The following PIP5K1B variants were observed in gnomAD, a reference collection of about 807,000 sequenced individuals.
The protein encoded by PIP5K1B is phosphatidylinositol 4-phosphate 5-kinase type-1 beta.
In PIP5K1B, 42 loss-of-function variants were observed where a neutral mutation model predicts 67.0. The ratio of observed to expected loss-of-function variants is 0.63; its 90% CI spans 0.49 to 0.81. PIP5K1B has a LOEUF of 0.81. Ranked by LOEUF, PIP5K1B falls within the 30% of genes least tolerant of loss-of-function variation. The pLI, the probability that PIP5K1B is intolerant of heterozygous loss-of-function variation, is 0.00. For missense variants in PIP5K1B, 459 were observed against 646.3 expected, an observed-to-expected ratio of 0.71 and a Z score of 3.14; for synonymous variants, 214 against 231.4, an observed-to-expected ratio of 0.92 and a Z score of 0.68.
At chr9:68,854,146 T>C (rs935945394) in intron 4 of PIP5K1B, among the ~76,000 whole-genome samples, 2 of 150,538 alleles carry the variant, frequency 1.3e-5, no homozygotes, top group African/African-American at 4.9e-5. Context: ...TTTTTTTTTT[T>C]TTGAGACAGG....
intron 14 of PIP5K1B, among the ~76,000 whole-genome samples, chr9:68,949,476 A>G (rs1346267567): frequency 6.6e-6 from 1 of 152,250 alleles, no homozygotes; most frequent in African/African-American, 2.4e-5. Context: ...TTCAGCTGAG[A>G]CACAGCTGGA....
At chr9:68,856,930 G>A (rs1338682555) in intron 4 of PIP5K1B, among the ~76,000 whole-genome samples, 1 of 152,260 alleles carries the variant, frequency 6.6e-6, no homozygotes, top group South Asian at 2.1e-4. Context: ...CTTGGCAGGT[G>A]TGATTAAGTT....
intron 4 of PIP5K1B, among the ~76,000 whole-genome samples, chr9:68,850,335 C>T (rs1822417163): frequency 6.6e-6 from 1 of 152,194 alleles, no homozygotes; most frequent in Non-Finnish European, 1.5e-5. Flanking sequence ...AAATCCATTA[C>T]TATATCACAA....
intron 15 of PIP5K1B, among the ~76,000 whole-genome samples, chr9:68,996,445 AT>A (rs143395804): frequency 0.012 from 1,758 of 152,292 alleles, 31 homozygotes; most frequent in African/African-American, 0.039. Flanking sequence ...TTCTAAGATG[AT>A]TTTTATCCAG....
intron 1 of PIP5K1B, among the ~76,000 whole-genome samples, chr9:68,735,789 A>T (rs1289617986): frequency 1.3e-5 from 2 of 152,202 alleles, no homozygotes; most frequent in East Asian, 3.8e-4. Context: ...TGGGACTGTT[A>T]CTTATATACA....
Position 69,000,624 on chromosome 9 carries a change from G to T in PIP5K1B, c.1621-7823G>T, listed in dbSNP as rs191229798. On this transcript the variant is annotated intron_variant, in intron 15 of 15. Coordinates refer to ENST00000265382, the MANE Select transcript of PIP5K1B (RefSeq NM_003558.4). The stretch of plus-strand genomic sequence containing the variant: ...TGTCTTCACATCACATCTTCCCCCT[G>T]TACGTGTCTGTATCCAAAATTCCCC... 2.2e-3 allele frequency among the ~76,000 whole-genome samples: 341 copies of T among 152,170 alleles called. 1 individual carries two copies. The highest frequency in any genetic ancestry group is 6.4e-3 in the Admixed American group (98 of 15,272).
At chr9:68,932,524 A>T (rs1827053748) in intron 12 of PIP5K1B, among the ~76,000 whole-genome samples, 1 of 152,240 alleles carries the variant, frequency 6.6e-6, no homozygotes. Context: ...CAAATAATTT[A>T]GTGAGAAAAG....
intron 14 of PIP5K1B, among the ~76,000 whole-genome samples, chr9:68,947,598 G>C (rs897503074): frequency 2.0e-5 from 3 of 152,220 alleles, no homozygotes; most frequent in African/African-American, 7.2e-5. Flanking sequence ...TTAAAAGAGA[G>C]AGAGAGGAAA....
At chr9:68,745,139 G>C (rs1439562356) in intron 2 of PIP5K1B, among the ~76,000 whole-genome samples, 1 of 152,192 alleles carries the variant, frequency 6.6e-6, no homozygotes, top group Non-Finnish European at 1.5e-5. Context: ...AGGTCACAGT[G>C]CCTTCCACAT....
intron 15 of PIP5K1B, among the ~76,000 whole-genome samples, chr9:69,005,763 C>G (rs370121386): frequency 2.1e-5 from 3 of 145,402 alleles, no homozygotes; most frequent in Admixed American, 6.8e-5. Context: ...GTGCCCAAGT[C>G]CTCTCTACTG....
chr9:68,842,889 A>G (rs1447663036), intron 4 of PIP5K1B, among the ~76,000 whole-genome samples: 1 of 152,344 alleles, frequency 6.6e-6, no homozygotes, highest in African/African-American at 2.4e-5. Context: ...TGATTAATTT[A>G]GAAACAGCTT....
At chr9:68,780,005 C>G (rs895747825) in intron 2 of PIP5K1B, 2 of 954,880 alleles carry the variant, frequency 2.1e-6, no homozygotes, top group African/African-American at 1.7e-5. Context: ...GCCGCGAGTA[C>G]GGACATCGCG....
chr9:68,963,122 A>C lies in PIP5K1B; in HGVS notation c.1502+22332A>C, dbSNP rs1427678939. On this transcript the variant is annotated intron_variant, in intron 14 of 15. Coordinates refer to ENST00000265382, the MANE Select transcript of PIP5K1B (RefSeq NM_003558.4). ...CAAAGCATCACAGCCATTCAGAACA[A>C]GCTACATTTGCAGCATCTCAAATAA... 3 of 456,106 alleles carry C rather than the reference A, an allele frequency of 6.6e-6. No individual in the cohort carries two copies. In the East Asian group the frequency reaches 2.1e-4, roughly 32 times the overall value. 28.3% of individuals were successfully genotyped at this position (456,106 alleles called of 1,614,324 possible). A position where few individuals can be genotyped will look rare whatever the true frequency, so the allele number is the denominator to read the frequency against.
intron 2 of PIP5K1B, among the ~76,000 whole-genome samples, chr9:68,755,014 A>G (rs1257275767): frequency 6.6e-6 from 1 of 152,252 alleles, no homozygotes; most frequent in Non-Finnish European, 1.5e-5. Flanking sequence ...TCAATAAATA[A>G]ATACATTTTA....
chr9:68,780,372 G>A (rs758271798), intron 2 of PIP5K1B: 1 of 1,613,224 alleles, frequency 6.2e-7, no homozygotes, highest in Non-Finnish European at 8.5e-7. Flanking sequence ...GAGCCGCCAC[G>A]GCCTGCTGCT....
rs1437145877 is a variant in PIP5K1B, at chr9:69,008,611, C to G, written c.*162C>G. The G allele has an allele frequency of 1.4e-6, 1 of 708,332 alleles. No individual in the cohort carries two copies. 43.9% of individuals were successfully genotyped at this position (708,332 alleles called of 1,614,324 possible). A position where few individuals can be genotyped will look rare whatever the true frequency, so the allele number is the denominator to read the frequency against. ...GAGTTTTCAAGATGTCAACTTCAGG[C>G]TGATCAGCAGATGGGATGTGAAAAA... On this transcript the variant is annotated 3_prime_UTR_variant, in exon 16 of 16. Coordinates refer to ENST00000265382, the MANE Select transcript of PIP5K1B (RefSeq NM_003558.4).
chr9:68,786,479 A>T (rs1831620996), intron 2 of PIP5K1B, among the ~76,000 whole-genome samples: 1 of 105,458 alleles, frequency 9.5e-6, no homozygotes, highest in Non-Finnish European at 1.9e-5. Flanking sequence ...TTATTATTAT[A>T]AACTTTTTTT....
intron 1 of PIP5K1B, among the ~76,000 whole-genome samples, chr9:68,725,087 TAGA>T (rs1254776084): frequency 2.0e-5 from 3 of 152,230 alleles, no homozygotes; most frequent in Admixed American, 1.3e-4. Flanking sequence ...TTAAACTCTA[TAGA>T]AGAAGAATAT....
At chr9:68,912,293 A>T (rs775336367) in intron 8 of PIP5K1B, among the ~76,000 whole-genome samples, 14 of 151,758 alleles carry the variant, frequency 9.2e-5, no homozygotes, top group South Asian at 2.1e-4. Context: ...GCACTCAAAC[A>T]TTTTTTTTTC....
Sources: allele counts gnomAD v4.1 joint callset (sites outside exome capture counted in the v4.1 genomes callset), GRCh38; gene constraint gnomAD v4.1.1; transcripts MANE v1.5; gene names NCBI Gene and HGNC (gene_info 2026-07-23, HGNC 2026-07-21).